The following NXN variants were observed in gnomAD, a reference collection of about 807,000 sequenced individuals.
NXN encodes the protein nucleoredoxin 1.
A neutral mutation model predicts 48.6 loss-of-function variants in NXN; 16 were observed. The ratio of observed to expected loss-of-function variants is 0.33; its 90% CI spans 0.22 to 0.50. NXN has a LOEUF of 0.50. Ranked by LOEUF, NXN falls within the 20% of genes least tolerant of loss-of-function variation. The probability of loss-of-function intolerance (pLI) is 0.98; values close to 1 mark genes in which losing one functional copy is unlikely to be tolerated. For synonymous variants in NXN, 281 were observed against 269.6 expected, an observed-to-expected ratio of 1.04 and a Z score of -0.41; for missense variants, 492 against 605.5, an observed-to-expected ratio of 0.81 and a Z score of 1.97.
intron 1 of NXN, among the ~76,000 whole-genome samples, chr17:966,646 T>C (rs333641): frequency 0.16 from 24,449 of 151,836 alleles, 4,951 homozygotes; most frequent in African/African-American, 0.47. Context: ...CACGCCCGGC[T>C]GGTGTTCGCA....
At chr17:922,320 T>C (rs1448981103) in intron 1 of NXN, among the ~76,000 whole-genome samples, 1 of 151,928 alleles carries the variant, frequency 6.6e-6, no homozygotes, top group Non-Finnish European at 1.5e-5. Context: ...GCACCTGTAG[T>C]CCCAGCTACT....
chr17:914,565 A>G (rs901502766), intron 1 of NXN, among the ~76,000 whole-genome samples: 1 of 152,180 alleles, frequency 6.6e-6, no homozygotes, highest in Non-Finnish European at 1.5e-5. Context: ...TAGCGCAAGC[A>G]AGGTTCCTAG....
chr17:844,673 C>T (rs2067840438), intron 1 of NXN, among the ~76,000 whole-genome samples: 2 of 152,200 alleles, frequency 1.3e-5, no homozygotes, highest in South Asian at 2.1e-4. Context: ...CAACCTCCGC[C>T]TCCCAGGTTC....
In NXN at chr17:919,091, G is replaced by T. The variant is rs897777590; in HGVS notation, c.360+60228C>A. ...TTAAAAAAAAAAAATGTTTCAGCCA[G>T]GCTCGGTGGCTCACACCTGTAATCC... is the stretch of plus-strand genomic sequence containing the variant. On this transcript the variant is annotated intron_variant, in intron 1 of 7. Transcript: ENST00000336868. The surrounding 1 kb of genome is among the most constrained non-coding windows in gnomAD (Gnocchi z 5.1). Among the ~76,000 whole-genome samples the T allele has an allele frequency of 1.3e-5, 2 of 151,944 alleles. No homozygotes were observed. Among genetic ancestry groups the T allele is most frequent in the African/African-American group, 4.8e-5 (2 of 41,300 alleles).
At chr17:877,170 C>T (rs748096731) in intron 1 of NXN, among the ~76,000 whole-genome samples, 13 of 151,092 alleles carry the variant, frequency 8.6e-5, no homozygotes, top group African/African-American at 2.7e-4. Context: ...TTTTTGGAGA[C>T]GGAGTCTCAC....
intron 1 of NXN, among the ~76,000 whole-genome samples, chr17:913,558 G>A (rs145227040): frequency 8.5e-5 from 13 of 152,146 alleles, no homozygotes; most frequent in African/African-American, 3.1e-4. Flanking sequence ...TGGCACAACA[G>A]AGACCAAAGG....
chr17:882,601 G>A (rs2068297394), intron 1 of NXN, among the ~76,000 whole-genome samples: 1 of 151,382 alleles, frequency 6.6e-6, no homozygotes, highest in African/African-American at 2.4e-5. Context: ...ATGTAACTGG[G>A]ACTTCAGGCG....
intron 1 of NXN, among the ~76,000 whole-genome samples, chr17:862,746 G>A (rs1210595145): frequency 3.9e-5 from 6 of 152,300 alleles, no homozygotes; most frequent in East Asian, 1.9e-4. Context: ...ATAACAGGAC[G>A]GAACTATGAT....
At chr17:842,725 G>T (rs1245138688) in intron 1 of NXN, among the ~76,000 whole-genome samples, 3 of 152,132 alleles carry the variant, frequency 2.0e-5, no homozygotes, top group African/African-American at 7.2e-5. Context: ...ATCACCTGAG[G>T]TCAGGAGTTC....
rs77732780 is a variant in NXN at position 902,850 on chromosome 17, C to T, written c.360+76469G>A. ...CTGGAGTGCAATGGCGCGATCTCAGCTCACTATAACCTCCGCCTCCCGGGT... is the reference window on the plus strand; with the variant it reads ...CTGGAGTGCAATGGCGCGATCTCAGTTCACTATAACCTCCGCCTCCCGGGT... On this transcript the variant is annotated intron_variant, in intron 1 of 7. Coordinates refer to ENST00000336868, the MANE Select transcript of NXN (RefSeq NM_022463.5). 1.6e-3 allele frequency among the ~76,000 whole-genome samples: 240 copies of T among 151,662 alleles called. 1 individual carries two copies. The highest frequency in any genetic ancestry group is 4.9e-3 in the African/African-American group (202 of 41,278).
chr17:952,716 TGG>T, intron 1 of NXN, among the ~76,000 whole-genome samples: 1 of 78,446 alleles, frequency 1.3e-5, no homozygotes, highest in Non-Finnish European at 2.9e-5. Flanking sequence ...AGACCAAGGT[TGG>T]AACCCGGCAG....
chr17:873,669 G>A (rs2068184165), intron 1 of NXN, among the ~76,000 whole-genome samples: 1 of 151,992 alleles, frequency 6.6e-6, no homozygotes, highest in South Asian at 2.1e-4. Flanking sequence ...GTGAAGTTCT[G>A]GAAGCTTTGT....
At chr17:813,035 ATG>A (rs201300947) in intron 5 of NXN, among the ~76,000 whole-genome samples, 3,678 of 152,110 alleles carry the variant, frequency 0.024, 136 homozygotes, top group African/African-American at 0.08. Flanking sequence ...GCGTGTGTGA[ATG>A]TGTGAGCGTG....
At chr17:873,584 C>T (rs962036187) in intron 1 of NXN, among the ~76,000 whole-genome samples, 1 of 150,994 alleles carries the variant, frequency 6.6e-6, no homozygotes, top group Non-Finnish European at 1.5e-5. Context: ...GAATATACAA[C>T]GTGAATATCA....
chr17:934,577 C>T (rs548269272), intron 1 of NXN, among the ~76,000 whole-genome samples: 1 of 152,022 alleles, frequency 6.6e-6, no homozygotes, highest in African/African-American at 2.4e-5. Context: ...TGGCCAAATT[C>T]CAACCCAAAT....
rs182585064 is a variant in NXN, at chr17:916,013, C to T, written c.360+63306G>A. 1.8e-4 allele frequency among the ~76,000 whole-genome samples: 28 copies of T among 152,290 alleles called. No homozygotes were observed. In the East Asian group the frequency reaches 5.4e-3, roughly 29 times the overall value. ...TTTTGTAAAGGCACTTCTCAAAAGGCAAAGATAAAAACACTGAAGCTCTTA... is the reference window on the plus strand; with the variant it reads ...TTTTGTAAAGGCACTTCTCAAAAGGTAAAGATAAAAACACTGAAGCTCTTA... On this transcript the variant is annotated intron_variant, in intron 1 of 7. Coordinates refer to ENST00000336868, the MANE Select transcript of NXN (RefSeq NM_022463.5).
intron 1 of NXN, among the ~76,000 whole-genome samples, chr17:925,608 T>C (rs1051197855): frequency 2.0e-5 from 3 of 152,110 alleles, no homozygotes; most frequent in Non-Finnish European, 2.9e-5. Context: ...AGGCTGGTCT[T>C]GAACTCCTGA....
intron 5 of NXN, among the ~76,000 whole-genome samples, chr17:815,325 G>T (rs1912406288): frequency 6.6e-6 from 1 of 150,956 alleles, no homozygotes; most frequent in Admixed American, 6.6e-5. Flanking sequence ...GTATGATGAG[G>T]GCGAGTGTCC....
chr17:951,203 A>AAAAAAT (rs1387703340), intron 1 of NXN, among the ~76,000 whole-genome samples: 1 of 140,758 alleles, frequency 7.1e-6, no homozygotes, highest in Non-Finnish European at 1.5e-5. Flanking sequence ...AAAAAAAAAA[A>AAAAAAT]GCTGGGCGTG....
Sources: allele counts gnomAD v4.1 joint callset (sites outside exome capture counted in the v4.1 genomes callset), GRCh38; gene constraint gnomAD v4.1.1; non-coding constraint Gnocchi (gnomAD v3.1); transcripts MANE v1.5; gene names NCBI Gene and HGNC (gene_info 2026-07-23, HGNC 2026-07-21).